DNAJC24: variants seen among roughly 807,000 people sequenced by gnomAD.
DNAJC24 encodes dnaJ homolog subfamily C member 24.
Under a neutral mutation model 18.0 loss-of-function variants are expected in DNAJC24, and 17 were observed. The observed-to-expected ratio is 0.94, with a 90% CI of 0.65 to 1.42. The LOEUF is 1.42. Ranked by LOEUF, DNAJC24 falls within the 40% of genes most tolerant of loss-of-function variation. The pLI is 0.00. For synonymous variants in DNAJC24, 55 were observed against 57.7 expected, an observed-to-expected ratio of 0.95 and a Z score of 0.21; for missense variants, 158 against 175.6, an observed-to-expected ratio of 0.90 and a Z score of 0.57.
At position 31,421,973 on chromosome 11, in the gene DNAJC24, C is replaced by T. The variant is rs915145991; in HGVS notation, c.251-4314C>T. On this transcript the variant is annotated intron_variant, in intron 3 of 4. Transcript: ENST00000465995. ...CCTTTTAATCTCTTTGAATTGCAGG[C>T]TCATAAACCTCTCTGATGAGTCCTG... The T allele has an allele frequency of 7.0e-5, 31 of 445,788 alleles. No individual in the cohort carries two copies. In the Admixed American group the frequency reaches 7.3e-4, roughly 10 times the overall value. The allele number at this position is 445,788 out of a possible 1,614,324, so 27.6% of individuals were successfully genotyped here. A position where few individuals can be genotyped will look rare whatever the true frequency, so the allele number is the denominator to read the frequency against.
intron 2 of DNAJC24, among the ~76,000 whole-genome samples, chr11:31,391,798 A>G (rs1952498964): frequency 6.6e-6 from 1 of 152,182 alleles, no homozygotes; most frequent in Non-Finnish European, 1.5e-5. Context: ...AGCTATCTGC[A>G]CTCCCATGTT....
At chr11:31,394,197 A>G (rs1191462402) in intron 2 of DNAJC24, among the ~76,000 whole-genome samples, 1 of 152,162 alleles carries the variant, frequency 6.6e-6, no homozygotes, top group Non-Finnish European at 1.5e-5. Context: ...GAAACGGCAA[A>G]ATTGCCAACA....
chr11:31,374,270 A>G (rs1952292133), intron 2 of DNAJC24: 1 of 168,326 alleles, frequency 5.9e-6, no homozygotes, highest in African/African-American at 2.4e-5. Flanking sequence ...AATTCTTCCA[A>G]TTAATACTTT....
intron 2 of DNAJC24, among the ~76,000 whole-genome samples, chr11:31,371,424 A>C (rs770241868): frequency 2.0e-5 from 3 of 152,154 alleles, no homozygotes; most frequent in Non-Finnish European, 4.4e-5. Context: ...AGAATTCTTG[A>C]TCTCTTACCT....
chr11:31,399,904 C>T (rs1468800836), intron 2 of DNAJC24, among the ~76,000 whole-genome samples: 1 of 152,034 alleles, frequency 6.6e-6, no homozygotes, highest in Non-Finnish European at 1.5e-5. Flanking sequence ...GATGCTCTCC[C>T]TCCCCCTGTC....
At chr11:31,403,787 G>C (rs1952626044) in intron 2 of DNAJC24, among the ~76,000 whole-genome samples, 1 of 152,180 alleles carries the variant, frequency 6.6e-6, no homozygotes, top group African/African-American at 2.4e-5. Context: ...GGTGTTACAG[G>C]AAAGAGGTCT....
At chr11:31,429,174 G>T (rs1225113408) in intron 4 of DNAJC24, among the ~76,000 whole-genome samples, 1 of 151,506 alleles carries the variant, frequency 6.6e-6, no homozygotes, top group Non-Finnish European at 1.5e-5. Flanking sequence ...AGGCATTGTG[G>T]TAAAGAATAA....
At chr11:31,393,124 C>T (rs1952514349) in intron 2 of DNAJC24, among the ~76,000 whole-genome samples, 4 of 152,304 alleles carry the variant, frequency 2.6e-5, no homozygotes, top group South Asian at 4.2e-4. Flanking sequence ...AGCCCTTCGG[C>T]TTCTATGCCC....
chr11:31,406,229 CAT>C (rs1215744995), intron 2 of DNAJC24, among the ~76,000 whole-genome samples: 9 of 151,858 alleles, frequency 5.9e-5, no homozygotes, highest in Non-Finnish European at 1.3e-4. Flanking sequence ...ATCATTTTTT[CAT>C]AGTTTCAATG....
Position 31,430,409 on chromosome 11 carries a change from C to G in DNAJC24, c.*8C>G, listed in dbSNP as rs1192691057. 6.2e-7 allele frequency: 1 copy of G among 1,601,298 alleles called. No individual in the cohort carries two copies. The highest frequency in any genetic ancestry group is 1.3e-5 in the African/African-American group (1 of 74,598). On this transcript the variant is annotated 3_prime_UTR_variant, in exon 5 of 5. Coordinates refer to ENST00000465995, the MANE Select transcript of DNAJC24 (RefSeq NM_181706.5). ...CTCCTTCATTATAACTAAAATTGTTCACAACTTGAAATGCTTTAACTGTGG... is the reference window on the plus strand; with the variant it reads ...CTCCTTCATTATAACTAAAATTGTTGACAACTTGAAATGCTTTAACTGTGG...
At chr11:31,428,142 T>C (rs1952883039) in intron 4 of DNAJC24, among the ~76,000 whole-genome samples, 1 of 151,928 alleles carries the variant, frequency 6.6e-6, no homozygotes, top group Non-Finnish European at 1.5e-5. Context: ...TGCTAACATA[T>C]GGAAGGAAAT....
chr11:31,393,318 A>T (rs759482768), intron 2 of DNAJC24, among the ~76,000 whole-genome samples: 2 of 152,132 alleles, frequency 1.3e-5, no homozygotes, highest in Non-Finnish European at 2.9e-5. Flanking sequence ...TTATATGCAG[A>T]TCCTCTTAGC....
At chr11:31,398,821 C>T (rs2133483704) in intron 2 of DNAJC24, among the ~76,000 whole-genome samples, 1 of 152,282 alleles carries the variant, frequency 6.6e-6, no homozygotes, top group South Asian at 2.1e-4. Flanking sequence ...GAGAGCCCCT[C>T]TATAGGATCT....
At chr11:31,404,630 G>T (rs1952636628) in intron 2 of DNAJC24, among the ~76,000 whole-genome samples, 1 of 152,068 alleles carries the variant, frequency 6.6e-6, no homozygotes, top group Admixed American at 6.5e-5. Flanking sequence ...GATGTCTGAA[G>T]AAATGAGTTT....
chr11:31,405,871 C>T (rs1952652582), intron 2 of DNAJC24, among the ~76,000 whole-genome samples: 1 of 152,212 alleles, frequency 6.6e-6, no homozygotes, highest in African/African-American at 2.4e-5. Context: ...TGTCCCATCC[C>T]ATGACTAGCA....
At chr11:31,420,756 G>T (rs1952796229) in intron 3 of DNAJC24, among the ~76,000 whole-genome samples, 2 of 152,176 alleles carry the variant, frequency 1.3e-5, no homozygotes, top group South Asian at 4.1e-4. Flanking sequence ...GATCGGGGGG[G>T]AATTCAAAGC....
intron 4 of DNAJC24, among the ~76,000 whole-genome samples, chr11:31,429,167 C>T (rs879577695): frequency 1.3e-5 from 2 of 150,298 alleles, no homozygotes; most frequent in Admixed American, 1.3e-4. Flanking sequence ...AGAGCAAAGG[C>T]ATTGTGGTAA....
At chr11:31,376,211 C>T (rs1317139387) in intron 2 of DNAJC24, among the ~76,000 whole-genome samples, 1 of 152,104 alleles carries the variant, frequency 6.6e-6, no homozygotes, top group Admixed American at 6.6e-5. Flanking sequence ...GCCATGATTG[C>T]GAGGCCTCCC....
At chr11:31,428,146 A>G (rs989107443) in intron 4 of DNAJC24, among the ~76,000 whole-genome samples, 2 of 152,052 alleles carry the variant, frequency 1.3e-5, no homozygotes, top group Non-Finnish European at 2.9e-5. Context: ...AACATATGGA[A>G]GGAAATATAC....
Sources: allele counts gnomAD v4.1 joint callset (sites outside exome capture counted in the v4.1 genomes callset), GRCh38; gene constraint gnomAD v4.1.1; transcripts MANE v1.5; gene names NCBI Gene and HGNC (gene_info 2026-07-23, HGNC 2026-07-21).